PREX2: variants seen among roughly 807,000 people sequenced by gnomAD.
The protein encoded by PREX2 is phosphatidylinositol 3,4,5-trisphosphate-dependent Rac exchanger 2 protein.
Under a neutral mutation model 203.2 loss-of-function variants are expected in PREX2, and 107 were observed. That is an observed-to-expected ratio of 0.53 (90% CI 0.45 to 0.62). The LOEUF (loss-of-function observed/expected upper bound fraction) is 0.62. PREX2 is among the 20% of genes least tolerant of loss of function. The pLI, the probability that PREX2 is intolerant of heterozygous loss-of-function variation, is 0.00. For missense variants in PREX2, 1,777 were observed against 1,955.9 expected, an observed-to-expected ratio of 0.91 and a Z score of 1.72; for synonymous variants, 672 against 663.6, an observed-to-expected ratio of 1.01 and a Z score of -0.19.
At chr8:68,213,219 C>T (rs1812773890) in intron 37 of PREX2, among the ~76,000 whole-genome samples, 1 of 152,196 alleles carries the variant, frequency 6.6e-6, no homozygotes, top group Admixed American at 6.5e-5. Flanking sequence ...CAAAAATAAC[C>T]ACAGCGAATT....
chr8:68,097,744 T>C lies in PREX2; in HGVS notation c.2553+543T>C, dbSNP rs529708236. Reference sequence around the variant, plus strand: ...ATGAAACCCTTGCTTAGGCAGGTGTTCATTGATATGGCAAAGACTTCACAG... The same window carrying C: ...ATGAAACCCTTGCTTAGGCAGGTGTCCATTGATATGGCAAAGACTTCACAG... On this transcript the variant is annotated intron_variant, in intron 22 of 39. Transcript: ENST00000288368. 3.9e-5 allele frequency among the ~76,000 whole-genome samples: 6 copies of C among 152,374 alleles called. No individual in the cohort carries two copies. The East Asian group carries it at 1.2e-3, about 29-fold the overall frequency.
At chr8:68,151,262 A>C (rs1016102817) in intron 34 of PREX2, among the ~76,000 whole-genome samples, 2 of 152,070 alleles carry the variant, frequency 1.3e-5, no homozygotes, top group African/African-American at 4.8e-5. Flanking sequence ...CTCTTAAAAA[A>C]AAAAATTAGC....
rs797014002 is a variant in PREX2 at position 68,044,981 on chromosome 8, AC to A, written c.943+392del. 2.0e-5 allele frequency among the ~76,000 whole-genome samples: 3 copies of A among 152,200 alleles called. No homozygotes were observed. In the South Asian group the frequency reaches 6.2e-4, roughly 32 times the overall value. Reference sequence around the variant, plus strand: ...ATATATTCACTGTAAAATATAGCAAACTATAGATTTGTCTTAGCTATGTAGT... The same window carrying A: ...ATATATTCACTGTAAAATATAGCAAATATAGATTTGTCTTAGCTATGTAGT... On this transcript the variant is annotated intron_variant, in intron 8 of 39. Transcript: ENST00000288368.
At chr8:68,196,740 C>G (rs143815129) in intron 37 of PREX2, among the ~76,000 whole-genome samples, 8 of 151,682 alleles carry the variant, frequency 5.3e-5, no homozygotes. Context: ...CCCCAACTCT[C>G]TCTTCCTCCT....
At chr8:67,986,806 A>G (rs1806441810) in intron 1 of PREX2, among the ~76,000 whole-genome samples, 1 of 152,144 alleles carries the variant, frequency 6.6e-6, no homozygotes, top group African/African-American at 2.4e-5. Context: ...TGTCAGTACT[A>G]ATAGAGATAA....
At chr8:68,137,425 C>T (rs920710035) in intron 32 of PREX2, among the ~76,000 whole-genome samples, 1 of 151,946 alleles carries the variant, frequency 6.6e-6, no homozygotes, top group Non-Finnish European at 1.5e-5. Flanking sequence ...GTGCATGCCA[C>T]CATACCCAGA....
At chr8:68,209,768 C>T (rs1487770155) in intron 37 of PREX2, among the ~76,000 whole-genome samples, 5 of 152,122 alleles carry the variant, frequency 3.3e-5, no homozygotes, top group South Asian at 4.2e-4. Context: ...AAACTAACCT[C>T]GATAAGAATG....
chr8:68,003,657 T>G (rs1807009306), intron 1 of PREX2, among the ~76,000 whole-genome samples: 3 of 152,124 alleles, frequency 2.0e-5, no homozygotes, highest in Non-Finnish European at 4.4e-5. Flanking sequence ...ATTCTGTGAT[T>G]TTTATTCAGT....
intron 39 of PREX2, among the ~76,000 whole-genome samples, chr8:68,228,943 T>TCAAAAAAAAAA (rs200976299): frequency 1.8e-5 from 2 of 113,858 alleles, no homozygotes; most frequent in Admixed American, 1.0e-4. Context: ...CCTTGTCTCT[T>TCAAAAAAAAAA]TAAAAAAAAA....
chr8:67,960,432 C>T (rs1460996098), intron 1 of PREX2, among the ~76,000 whole-genome samples: 2 of 152,118 alleles, frequency 1.3e-5, no homozygotes, highest in Non-Finnish European at 2.9e-5. Context: ...GGCACGTGCT[C>T]AGACCAGCTT....
chr8:68,055,726 A>G (rs1294880297), intron 9 of PREX2, 104 bp from the exon 10 acceptor site: 1 of 1,064,228 alleles, frequency 9.4e-7, no homozygotes, highest in South Asian at 1.4e-5. Flanking sequence ...CACAACCCCC[A>G]GCACATGGTA....
At chr8:68,200,739 G>A (rs976802290) in intron 37 of PREX2, among the ~76,000 whole-genome samples, 1 of 152,012 alleles carries the variant, frequency 6.6e-6, no homozygotes, top group African/African-American at 2.4e-5. Flanking sequence ...ATATGAAAGG[G>A]TGACATCTTA....
At chr8:68,205,648 C>G (rs1170829206) in intron 37 of PREX2, among the ~76,000 whole-genome samples, 2 of 152,144 alleles carry the variant, frequency 1.3e-5, no homozygotes, top group Non-Finnish European at 2.9e-5. Context: ...ACTGCAAAAC[C>G]TTAGAGAATT....
chr8:68,013,993 C>G (rs1323817547), intron 1 of PREX2, among the ~76,000 whole-genome samples: 1 of 152,034 alleles, frequency 6.6e-6, no homozygotes, highest in Non-Finnish European at 1.5e-5. Context: ...TGTGCCTGGA[C>G]TGATGAAAAG....
intron 21 of PREX2, among the ~76,000 whole-genome samples, chr8:68,096,286 T>C (rs1810070347): frequency 6.6e-6 from 1 of 152,226 alleles, no homozygotes; most frequent in Non-Finnish European, 1.5e-5. Context: ...ATCAATATTC[T>C]ACTTTTGCCT....
Position 68,030,645 on chromosome 8 carries a change from T to C in PREX2, c.692T>C (p.Ile231Thr), listed in dbSNP as rs375853715. The C allele has an allele frequency of 6.8e-6, 11 of 1,613,502 alleles. No individual in the cohort carries two copies. In the Admixed American group the frequency reaches 8.3e-5, roughly 12 times the overall value. Residue 231 changes from isoleucine to threonine, a missense_variant, in exon 6 of 40, where the codon ATT (isoleucine) becomes ACT (threonine). Physicochemically the swap from Ile to Thr is moderately conservative, Grantham distance 89. Coordinates refer to ENST00000288368, the MANE Select transcript of PREX2 (RefSeq NM_024870.4). ...LEVLEEWQSHIEGWEGSNITD... is the reference protein window; with the variant it reads ...LEVLEEWQSHTEGWEGSNITD... ...GTTTTAGAGGAATGGCAGTCTCACA[T>C]TGAAGGCTGGGAGGTACATTCACTT...
chr8:68,114,314 G>A lies in PREX2; in HGVS notation c.3147-1439G>A, dbSNP rs769908211. 2.0e-4 allele frequency: 104 copies of A among 510,038 alleles called. 1 individual carries two copies. Among genetic ancestry groups the A allele is most frequent in the Admixed American group, 1.9e-3 (97 of 50,550 alleles). 31.6% of individuals were successfully genotyped at this position (510,038 alleles called of 1,614,324 possible). On this transcript the variant is annotated intron_variant, in intron 25 of 39. Transcript: ENST00000288368. Reference sequence around the variant, plus strand: ...ATATGCGTAAGAGGTATAAGATATCGTCACCGTCTTGAAATAACAAACATT... The same window carrying A: ...ATATGCGTAAGAGGTATAAGATATCATCACCGTCTTGAAATAACAAACATT...
At chr8:68,167,388 C>G (rs1811784637) in intron 35 of PREX2, among the ~76,000 whole-genome samples, 1 of 149,786 alleles carries the variant, frequency 6.7e-6, no homozygotes, top group African/African-American at 2.5e-5. Flanking sequence ...GAGTGCAGTG[C>G]AGTGGTGCAA....
At chr8:67,986,158 G>A (rs1806413943) in intron 1 of PREX2, among the ~76,000 whole-genome samples, 1 of 152,178 alleles carries the variant, frequency 6.6e-6, no homozygotes, top group Non-Finnish European at 1.5e-5. Context: ...TCTCTTTTGG[G>A]ATAACCAGGT....
Sources: allele counts gnomAD v4.1 joint callset (sites outside exome capture counted in the v4.1 genomes callset), GRCh38; gene constraint gnomAD v4.1.1; transcripts MANE v1.5; gene names NCBI Gene and HGNC (gene_info 2026-07-23, HGNC 2026-07-21).